CSMD1: variants seen among roughly 807,000 people sequenced by gnomAD.
CSMD1 encodes the protein CUB and Sushi multiple domains 1, also known as CUB and sushi domain-containing protein 1.
A neutral mutation model predicts 417.5 loss-of-function variants in CSMD1; 213 were observed. That is an observed-to-expected ratio of 0.51 (90% CI 0.46 to 0.57). CSMD1 has a LOEUF of 0.57. Among genes scored for constraint, CSMD1 ranks in the 20% least tolerant of loss-of-function variants. The pLI is 0.00. For synonymous variants in CSMD1, 2,862 were observed against 1,736.8 expected (o/e 1.65, Z -16.11); for missense variants, 6,923 against 4,529.7 (o/e 1.53, Z -15.17).
chr8:4,189,919 G>C (rs907580207), intron 3 of CSMD1, among the ~76,000 whole-genome samples: 4 of 151,290 alleles, frequency 2.6e-5, no homozygotes, highest in Non-Finnish European at 5.9e-5. Flanking sequence ...GTACTCTTTT[G>C]CATATTTTTT....
intron 4 of CSMD1, among the ~76,000 whole-genome samples, chr8:3,999,920 G>T (rs1219788845): frequency 1.3e-5 from 2 of 152,162 alleles, no homozygotes; most frequent in African/African-American, 2.4e-5. Flanking sequence ...TCATTTTTTA[G>T]ATCCCAAATT....
At chr8:4,413,322 G>A (rs548737066) in intron 3 of CSMD1, among the ~76,000 whole-genome samples, 12 of 152,074 alleles carry the variant, frequency 7.9e-5, no homozygotes, top group African/African-American at 2.4e-4. Context: ...AACTACGCTC[G>A]TGGGGCTGCC....
At chr8:4,483,898 T>C (rs1403314817) in intron 2 of CSMD1, among the ~76,000 whole-genome samples, 1 of 152,214 alleles carries the variant, frequency 6.6e-6, no homozygotes, top group Non-Finnish European at 1.5e-5. Context: ...CGAAAGGGTT[T>C]GCTTATTCAG....
chr8:4,041,893 G>A (rs1036948632), intron 3 of CSMD1, among the ~76,000 whole-genome samples: 2 of 152,080 alleles, frequency 1.3e-5, no homozygotes, highest in Admixed American at 6.5e-5. Flanking sequence ...TTATAAGGTA[G>A]AATAGATATA....
chr8:3,309,512 T>G (rs1805159588), intron 23 of CSMD1, among the ~76,000 whole-genome samples: 1 of 152,170 alleles, frequency 6.6e-6, no homozygotes, highest in Admixed American at 6.5e-5. Context: ...TCTGCAGTAC[T>G]GAGAGCTGTA....
At chr8:4,020,748 C>A (rs572874265) in intron 4 of CSMD1, among the ~76,000 whole-genome samples, 1 of 152,218 alleles carries the variant, frequency 6.6e-6, no homozygotes, top group Non-Finnish European at 1.5e-5. Flanking sequence ...TCATTAGACC[C>A]AACGTCATTA....
intron 2 of CSMD1, among the ~76,000 whole-genome samples, chr8:4,624,889 G>A (rs183266718): frequency 6.6e-6 from 1 of 152,118 alleles, no homozygotes; most frequent in Admixed American, 6.5e-5. Flanking sequence ...GGTGGGCAGA[G>A]AAGGCACTGG....
At chr8:3,164,113 T>C (rs1421893009) in intron 37 of CSMD1, among the ~76,000 whole-genome samples, 1 of 152,026 alleles carries the variant, frequency 6.6e-6, no homozygotes, top group Non-Finnish European at 1.5e-5. Context: ...GAGGGCGAAA[T>C]GGAGAGAGAG....
chr8:4,607,273 T>C (rs938516405), intron 2 of CSMD1, among the ~76,000 whole-genome samples: 3 of 144,512 alleles, frequency 2.1e-5, no homozygotes, highest in African/African-American at 5.3e-5. Flanking sequence ...GTAGAAAATA[T>C]GGAAAAAATA....
chr8:3,774,555 G>C (rs1798797774), intron 5 of CSMD1, among the ~76,000 whole-genome samples: 1 of 152,098 alleles, frequency 6.6e-6, no homozygotes, highest in Admixed American at 6.6e-5. Flanking sequence ...CCCCTCCTTA[G>C]TGGACAGAAC....
At chr8:4,217,370 T>G (rs535170461) in intron 3 of CSMD1, among the ~76,000 whole-genome samples, 3 of 152,202 alleles carry the variant, frequency 2.0e-5, no homozygotes, top group African/African-American at 7.2e-5. Context: ...TCTCTAATAT[T>G]AGGGAACTTC....
chr8:4,789,198 T>C (rs191834397), intron 1 of CSMD1, among the ~76,000 whole-genome samples: 23 of 152,344 alleles, frequency 1.5e-4, no homozygotes, highest in African/African-American at 4.8e-4. Context: ...AAATATTCAA[T>C]AAATATTATT....
chr8:4,623,110 C>A (rs141065560), intron 2 of CSMD1, among the ~76,000 whole-genome samples: 4 of 152,038 alleles, frequency 2.6e-5, no homozygotes, highest in African/African-American at 9.6e-5. Context: ...TCAAAGAACT[C>A]GAATCTGGAA....
chr8:4,656,904 T>C lies in CSMD1; in HGVS notation c.86-19346A>G, dbSNP rs184758145. On this transcript the variant is annotated intron_variant, in intron 1 of 69. Coordinates refer to ENST00000635120, the MANE Select transcript of CSMD1 (RefSeq NM_033225.6). ...CCAACATCTTATCTGTCCTAATCCATCTGGGGGCGGCCTGAAACACTGACA... is the reference window on the plus strand; with the variant it reads ...CCAACATCTTATCTGTCCTAATCCACCTGGGGGCGGCCTGAAACACTGACA... Among the ~76,000 whole-genome samples, 16 of 152,024 alleles carry C rather than the reference T, an allele frequency of 1.1e-4. No individual in the cohort carries two copies. The East Asian group carries it at 3.1e-3, about 30-fold the overall frequency.
At chr8:4,445,666 G>C (rs1009820601) in intron 2 of CSMD1, among the ~76,000 whole-genome samples, 1 of 152,170 alleles carries the variant, frequency 6.6e-6, no homozygotes, top group African/African-American at 2.4e-5. Flanking sequence ...GAAGCCACTA[G>C]AGAACATTAC....
At chr8:4,698,417 T>C (rs1190127083) in intron 1 of CSMD1, among the ~76,000 whole-genome samples, 1 of 152,144 alleles carries the variant, frequency 6.6e-6, no homozygotes. Context: ...AGCTCTGTTC[T>C]GCATAAAACA....
chr8:4,040,659 G>T (rs905760294), intron 3 of CSMD1, among the ~76,000 whole-genome samples: 1 of 151,644 alleles, frequency 6.6e-6, no homozygotes, highest in African/African-American at 2.4e-5. Flanking sequence ...CCATAACATA[G>T]TTTTAAAAAA....
intron 12 of CSMD1, among the ~76,000 whole-genome samples, chr8:3,441,195 G>C (rs570691558): frequency 6.6e-6 from 1 of 152,066 alleles, no homozygotes; most frequent in Non-Finnish European, 1.5e-5. Context: ...TTCTCTCCCC[G>C]GGAGATCTGG....
intron 10 of CSMD1, among the ~76,000 whole-genome samples, chr8:3,510,635 A>G (rs1183696427): frequency 1.3e-5 from 2 of 151,872 alleles, no homozygotes; most frequent in African/African-American, 4.9e-5. Flanking sequence ...ATAACATACG[A>G]TAAAAAAATC....
Sources: allele counts gnomAD v4.1 joint callset (sites outside exome capture counted in the v4.1 genomes callset), GRCh38; gene constraint gnomAD v4.1.1; transcripts MANE v1.5; gene names NCBI Gene and HGNC (gene_info 2026-07-23, HGNC 2026-07-21).